CCNF: variants seen among roughly 807,000 people sequenced by gnomAD.
CCNF encodes cyclin F.
A neutral mutation model predicts 85.4 loss-of-function variants in CCNF; 30 were observed. The ratio of observed to expected loss-of-function variants is 0.35; its 90% CI spans 0.26 to 0.48. The LOEUF is 0.48. CCNF is among the 20% of genes least tolerant of loss of function. The pLI is 0.99. For synonymous variants in CCNF, 439 were observed against 425.1 expected (o/e 1.03, Z -0.40); for missense variants, 919 against 1,010.4 (o/e 0.91, Z 1.23).
chr16:2,435,063 A>G (rs1461746565), intron 3 of CCNF, among the ~76,000 whole-genome samples: 1 of 151,782 alleles, frequency 6.6e-6, no homozygotes, highest in Non-Finnish European at 1.5e-5. Flanking sequence ...CATCCTGGCT[A>G]ACATGGTGAA....
In CCNF at chr16:2,439,749, G is replaced by A. The variant is rs757639588; in HGVS notation, c.700G>A (p.Val234Met). The change falls in exon 8 of 17, where the codon GTG (valine) becomes ATG (methionine). Residue 234 changes from valine to methionine, a missense_variant and splice_region_variant. By Grantham distance (21) the Val-to-Met change is conservative. Transcript: ENST00000397066. ...AGGCTCGGTGATCTCCCATTGACAGGTGTCAGATCCTGGGCGATGCCTCCA... is the reference window on the plus strand; with the variant it reads ...AGGCTCGGTGATCTCCCATTGACAGATGTCAGATCCTGGGCGATGCCTCCA... ...LLWESDRRTD[V>M]SDPGRCLHSF... 2.9e-5 allele frequency: 47 copies of A among 1,613,620 alleles called. No homozygotes were observed. The highest frequency in any genetic ancestry group is 3.9e-5 in the Non-Finnish European group (46 of 1,179,538).
At chr16:2,434,345 T>C (rs772182362) in intron 3 of CCNF, among the ~76,000 whole-genome samples, 1 of 149,174 alleles carries the variant, frequency 6.7e-6, no homozygotes, top group Non-Finnish European at 1.5e-5. Context: ...CTGGGCACAG[T>C]GGCTCACGCC....
In CCNF at chr16:2,437,155, G is replaced by A. The variant is rs376056912; in HGVS notation, c.373G>A (p.Glu125Lys). Residue 125 changes from glutamate (E) to lysine (K), a missense_variant, in exon 5 of 17, where the codon GAA becomes AAA. Physicochemically the swap from Glu to Lys is moderately conservative, Grantham distance 56. Transcript: ENST00000397066. ...GLSVSDEARA[E>K]VNGLKASRFF... is the part of the protein sequence containing the mutation. Reference sequence around the variant, plus strand: ...GTCTGTGTCTGATGAGGCCCGCGCAGAAGTGAATGGCCTGAAGGCCTCTCG... The same window carrying A: ...GTCTGTGTCTGATGAGGCCCGCGCAAAAGTGAATGGCCTGAAGGCCTCTCG... The A allele has an allele frequency of 4.4e-6, 7 of 1,607,026 alleles. No individual in the cohort carries two copies. Among genetic ancestry groups the A allele is most frequent in the African/African-American group, 1.3e-5 (1 of 74,988 alleles).
chr16:2,453,417 G>A lies in CCNF; in HGVS notation c.1595G>A (p.Ser532Asn). The change falls in exon 15 of 17, where the codon AGC becomes AAC. Residue 532 changes from serine (S) to asparagine (N), a missense_variant. Physicochemically the swap from Ser to Asn is conservative, Grantham distance 46. This residue lies in a region of CCNF where 505 missense variants were observed against 514.8 expected (regional missense o/e 0.98). Coordinates refer to ENST00000397066, the MANE Select transcript of CCNF (RefSeq NM_001761.3). The surrounding 1 kb of genome is among the most constrained non-coding windows in gnomAD (Gnocchi z 5.6). ...ACTCTAGCTTCCCCTCAGGTGCTGA[G>A]CTACAGCCAGTTGTGTGCTGCATTA... ...YGEISQEEVL[S>N]YSQLCAALGV... The A allele has an allele frequency of 6.2e-7, 1 of 1,613,994 alleles. No individual in the cohort carries two copies. The highest frequency in any genetic ancestry group is 1.7e-4 in the Middle Eastern group (1 of 6,060).
At chr16:2,448,260 C>T (rs1163559593) in intron 10 of CCNF, among the ~76,000 whole-genome samples, 1 of 152,208 alleles carries the variant, frequency 6.6e-6, no homozygotes, top group Non-Finnish European at 1.5e-5. Flanking sequence ...AATCTCTGTC[C>T]TTGGTGTCTT....
intron 2 of CCNF, among the ~76,000 whole-genome samples, chr16:2,431,958 G>A (rs2065265137): frequency 2.0e-5 from 3 of 151,558 alleles, no homozygotes; most frequent in Admixed American, 2.0e-4. Flanking sequence ...AGCCTTCCGA[G>A]TAGCTGGGAC....
At chr16:2,438,172 T>A in intron 6 of CCNF, 49 bp downstream of exon 6, 1 of 1,313,354 alleles carries the variant, frequency 7.6e-7, no homozygotes, top group Non-Finnish European at 1.1e-6. Context: ...GATACATCCC[T>A]AGCCGAGATC....
intron 3 of CCNF, 140 bp from the exon 4 acceptor site, chr16:2,435,666 C>CACATATATATATATATATAT (rs1267256738): frequency 2.4e-5 from 1 of 42,334 alleles, no homozygotes; most frequent in Admixed American, 2.6e-4. Flanking sequence ...CACACACACA[C>CACATATATATATATATATAT]ATATATATAT....
rs532234831 is a variant in CCNF, at chr16:2,453,098, G to A, written c.1488-112G>A. 1.3e-4 allele frequency: 113 copies of A among 869,382 alleles called. 1 individual carries two copies. The South Asian group carries it at 1.3e-3, about 10-fold the overall frequency. The allele number at this position is 869,382 out of a possible 1,614,324, so 53.9% of individuals were successfully genotyped here. A position where few individuals can be genotyped will look rare whatever the true frequency, so the allele number is the denominator to read the frequency against. On this transcript the variant is annotated intron_variant, in intron 13 of 16. Coordinates refer to ENST00000397066, the MANE Select transcript of CCNF (RefSeq NM_001761.3). The surrounding 1 kb of genome is among the most constrained non-coding windows in gnomAD (Gnocchi z 5.6). ...AACCATTCGGGGAACTGCCAGGTCA[G>A]ATTCCAGAGTGACTGCACCATTTTG...
chr16:2,443,258 G>T (rs1049423406), intron 8 of CCNF, among the ~76,000 whole-genome samples: 26 of 149,110 alleles, frequency 1.7e-4, no homozygotes, highest in Non-Finnish European at 1.5e-5. Flanking sequence ...AATAATCACA[G>T]TGTTTGCTGG....
intron 10 of CCNF, 109 bp from the exon 11 acceptor site, chr16:2,448,746 C>T (rs1016299616): frequency 1.8e-5 from 17 of 969,286 alleles, no homozygotes; most frequent in East Asian, 2.4e-5. Flanking sequence ...CAAAGCCCAA[C>T]GCCATGGCTC....
At chr16:2,445,217 C>T (rs1172952401) in intron 9 of CCNF, among the ~76,000 whole-genome samples, 2 of 152,142 alleles carry the variant, frequency 1.3e-5, no homozygotes, top group Non-Finnish European at 2.9e-5. Flanking sequence ...GGTCTCAAAG[C>T]GCTTGTGTTT....
chr16:2,449,441 G>A lies in CCNF; in HGVS notation c.1378G>A (p.Ala460Thr), dbSNP rs201788118. The A allele has an allele frequency of 5.0e-5, 81 of 1,607,076 alleles. No individual in the cohort carries two copies. Among genetic ancestry groups the A allele is most frequent in the Admixed American group, 8.3e-5 (5 of 59,996 alleles). ...CCTGGCTGCCGCAGCCCTGCTCCTG[G>A]CCAGACTGACGCACGGGCAGAGTAA... ...ARLAAAALLLARLTHGQTQPW... is the reference protein window; with the variant it reads ...ARLAAAALLLTRLTHGQTQPW... Residue 460 changes from alanine (A) to threonine (T), a missense_variant, in exon 12 of 17, where the codon GCC becomes ACC. Ala to Thr is a moderately conservative substitution (Grantham distance 58). This residue lies in a region of CCNF where 505 missense variants were observed against 514.8 expected (regional missense o/e 0.98). Coordinates refer to ENST00000397066, the MANE Select transcript of CCNF (RefSeq NM_001761.3).
intron 13 of CCNF, 23 bp downstream of exon 13, chr16:2,449,938 G>A (rs762829557): frequency 1.9e-6 from 3 of 1,546,734 alleles, no homozygotes; most frequent in East Asian, 2.2e-5. Context: ...CGGGCGCAGA[G>A]GCTCATGCCT....
intron 4 of CCNF, chr16:2,436,839 G>A (rs1052698734): frequency 3.9e-6 from 1 of 254,830 alleles, no homozygotes; most frequent in Admixed American, 5.5e-5. Flanking sequence ...TGGAGGGAGG[G>A]TGGGACATGA....
chr16:2,430,659 T>A (rs2065257826), intron 1 of CCNF, among the ~76,000 whole-genome samples: 1 of 152,152 alleles, frequency 6.6e-6, no homozygotes, highest in African/African-American at 2.4e-5. Context: ...CCCTTCTAAT[T>A]TGGACTTGAA....
chr16:2,441,197 G>T (rs1233221149), intron 8 of CCNF, among the ~76,000 whole-genome samples: 1 of 151,802 alleles, frequency 6.6e-6, no homozygotes, highest in Non-Finnish European at 1.5e-5. Flanking sequence ...TTGTGCCACT[G>T]CACTCCAGCC....
At position 2,439,805 on chromosome 16, in the gene CCNF, C is replaced by T; in HGVS notation, c.756C>T (p.Ala252=). The T allele has an allele frequency of 6.2e-7, 1 of 1,614,178 alleles. No homozygotes were observed. Among genetic ancestry groups the T allele is most frequent in the African/African-American group, 1.3e-5 (1 of 75,058 alleles). Residue 252 remains alanine (A), a synonymous_variant, in exon 8 of 17, where the codon GCC becomes GCT. Transcript: ENST00000397066. ...TCCGAAAACTCAGGGACTACGCTGC[C>T]AAAGGCTGCTGGGAAGCGCAGGTGA... ...HSFRKLRDYA[A]KGCWEAQLSL...
At chr16:2,430,442 G>A (rs75177396) in intron 1 of CCNF, among the ~76,000 whole-genome samples, 4,069 of 152,202 alleles carry the variant, frequency 0.027, 225 homozygotes, top group African/African-American at 0.091. Context: ...TGCCTGCCTG[G>A]TGGGTGGAAT....
Sources: allele counts gnomAD v4.1 joint callset (sites outside exome capture counted in the v4.1 genomes callset), GRCh38; gene constraint gnomAD v4.1.1; regional missense constraint gnomAD v4.1.1; non-coding constraint Gnocchi (gnomAD v3.1); transcripts MANE v1.5; gene names NCBI Gene and HGNC (gene_info 2026-07-23, HGNC 2026-07-21).